The following IL1RAPL1 variants were observed in gnomAD, a reference collection of about 807,000 sequenced individuals.
The protein encoded by IL1RAPL1 is interleukin-1 receptor accessory protein-like 1.
IL1RAPL1 carries 3 observed loss-of-function variants against 48.4 expected under a neutral mutation model. That is an observed-to-expected ratio of 0.06 (90% CI 0.03 to 0.16). The LOEUF (loss-of-function observed/expected upper bound fraction) is 0.16, where lower values mean the gene tolerates loss of function less well. Among genes scored for constraint, IL1RAPL1 ranks in the 10% least tolerant of loss-of-function variants. The pLI is 1.00. For missense variants in IL1RAPL1, 349 were observed against 530.6 expected, an observed-to-expected ratio of 0.66 and a Z score of 3.36; for synonymous variants, 185 against 187.7, an observed-to-expected ratio of 0.99 and a Z score of 0.12.
chrX:28,892,286 AG>A (rs1301639144), intron 2 of IL1RAPL1, among the ~76,000 whole-genome samples: 4 of 88,027 alleles, frequency 4.5e-5, no homozygotes, highest in Admixed American at 2.7e-4. Flanking sequence ...TTACAGTCAA[AG>A]GGGGGTTGTT....
intron 2 of IL1RAPL1, among the ~76,000 whole-genome samples, chrX:28,871,350 C>G (rs1276791346): frequency 8.9e-6 from 1 of 112,009 alleles, no homozygotes; most frequent in Admixed American, 9.5e-5. Flanking sequence ...TATATTGTAT[C>G]TTTTACAGTT....
chrX:28,950,790 A>G (rs1441386482), intron 2 of IL1RAPL1, among the ~76,000 whole-genome samples: 5 of 107,133 alleles, frequency 4.7e-5, no homozygotes, highest in African/African-American at 1.7e-4. Flanking sequence ...CCAAAGGACT[A>G]TAAATCATGC....
chrX:29,149,262 A>G (rs2147497107), intron 2 of IL1RAPL1, among the ~76,000 whole-genome samples: 1 of 110,781 alleles, frequency 9.0e-6, no homozygotes, highest in South Asian at 3.8e-4. Flanking sequence ...TCTAGTCTGC[A>G]TTTGGACTTG....
Position 29,688,333 on chromosome X carries a change from A to G in IL1RAPL1, c.778+19829A>G, listed in dbSNP as rs146593493. Among the ~76,000 whole-genome samples, 864 of 110,117 alleles carry G rather than the reference A, an allele frequency of 7.8e-3. 6 individuals carry two copies. The highest frequency in any genetic ancestry group is 0.026 in the African/African-American group (799 of 30,231). On this transcript the variant is annotated intron_variant, in intron 6 of 10. Coordinates refer to ENST00000378993, the MANE Select transcript of IL1RAPL1 (RefSeq NM_014271.4). The stretch of plus-strand genomic sequence containing the variant: ...TTTGTCTTGCGGCCGCACCAGTCCA[A>G]CCTCTGCCTGTGATCAACATTGCCT...
chrX:29,258,788 A>T (rs772194691), intron 2 of IL1RAPL1, among the ~76,000 whole-genome samples: 2 of 111,049 alleles, frequency 1.8e-5, no homozygotes, highest in South Asian at 7.6e-4. Flanking sequence ...TTATTGGAAG[A>T]TATAACCTAA....
At chrX:29,824,939 A>C (rs1315222711) in intron 6 of IL1RAPL1, among the ~76,000 whole-genome samples, 5 of 60,515 alleles carry the variant, frequency 8.3e-5, no homozygotes, top group Non-Finnish European at 1.8e-4. Context: ...GGAGAAGGTG[A>C]AGATCTACAC....
At chrX:29,198,998 G>A (rs1222321287) in intron 2 of IL1RAPL1, among the ~76,000 whole-genome samples, 1 of 111,333 alleles carries the variant, frequency 9.0e-6, no homozygotes, top group African/African-American at 3.3e-5. Flanking sequence ...GGCTGCATTC[G>A]GGAAAAAAGC....
intron 5 of IL1RAPL1, among the ~76,000 whole-genome samples, chrX:29,562,172 A>G (rs1395060964): frequency 1.0e-5 from 1 of 99,425 alleles, no homozygotes; most frequent in Non-Finnish European, 2.0e-5. Flanking sequence ...CTATCTATCT[A>G]TCTATCTAGT....
chrX:29,652,222 TA>T (rs1925542838), intron 5 of IL1RAPL1, among the ~76,000 whole-genome samples: 1 of 112,037 alleles, frequency 8.9e-6, no homozygotes, highest in Non-Finnish European at 1.9e-5. Flanking sequence ...TCCAGGGAAA[TA>T]AAAGTTTAGA....
chrX:29,084,984 C>T (rs976161726), intron 2 of IL1RAPL1, among the ~76,000 whole-genome samples: 11 of 111,969 alleles, frequency 9.8e-5, no homozygotes, highest in African/African-American at 1.9e-4. Context: ...TGAGCCACTG[C>T]GCCCAGCCGC....
chrX:29,457,361 T>C (rs1241098050), intron 5 of IL1RAPL1, among the ~76,000 whole-genome samples: 1 of 110,878 alleles, frequency 9.0e-6, no homozygotes, highest in Non-Finnish European at 1.9e-5. Flanking sequence ...CTAAGTAGTC[T>C]GTAGTGCCTA....
intron 6 of IL1RAPL1, among the ~76,000 whole-genome samples, chrX:29,855,304 G>T (rs957335720): frequency 8.9e-6 from 1 of 112,282 alleles, no homozygotes. Context: ...ACATGTTTGT[G>T]TATGTGCATA....
intron 2 of IL1RAPL1, among the ~76,000 whole-genome samples, chrX:28,906,528 A>G (rs1923220147): frequency 9.0e-6 from 1 of 111,671 alleles, no homozygotes; most frequent in South Asian, 3.7e-4. Context: ...AGAAGGAAGT[A>G]AGTGGTTGGG....
chrX:28,838,278 A>G (rs890905272), intron 2 of IL1RAPL1, among the ~76,000 whole-genome samples: 6 of 111,286 alleles, frequency 5.4e-5, no homozygotes, highest in Admixed American at 9.6e-5. Flanking sequence ...AATGGAGTAT[A>G]TTCTTTTGAC....
chrX:29,109,333 A>G (rs1004442132), intron 2 of IL1RAPL1, among the ~76,000 whole-genome samples: 1 of 102,388 alleles, frequency 9.8e-6, no homozygotes. Flanking sequence ...AAACCCACCT[A>G]TAAAACATGA....
intron 5 of IL1RAPL1, among the ~76,000 whole-genome samples, chrX:29,556,834 A>G (rs1290925755): frequency 2.7e-5 from 3 of 111,579 alleles, no homozygotes; most frequent in African/African-American, 9.8e-5. Context: ...AATTCTTTAA[A>G]TTAGTGGTTC....
intron 2 of IL1RAPL1, among the ~76,000 whole-genome samples, chrX:29,227,467 A>G (rs1931104998): frequency 9.0e-6 from 1 of 111,701 alleles, no homozygotes; most frequent in South Asian, 3.7e-4. Context: ...GAGAGGTTCA[A>G]TCAGACTAAG....
intron 6 of IL1RAPL1, among the ~76,000 whole-genome samples, chrX:29,869,158 A>T (rs1931755168): frequency 8.9e-6 from 1 of 112,460 alleles, no homozygotes; most frequent in East Asian, 2.8e-4. Flanking sequence ...GTGACAAAAC[A>T]ATGTTAAGTC....
intron 1 of IL1RAPL1, among the ~76,000 whole-genome samples, chrX:28,625,248 A>T (rs1253211455): frequency 8.9e-6 from 1 of 111,760 alleles, no homozygotes; most frequent in Non-Finnish European, 1.9e-5. Flanking sequence ...CTGTTAGAAC[A>T]GTGAACTGAT....
Sources: allele counts gnomAD v4.1 joint callset (sites outside exome capture counted in the v4.1 genomes callset), GRCh38; gene constraint gnomAD v4.1.1; transcripts MANE v1.5; gene names NCBI Gene and HGNC (gene_info 2026-07-23, HGNC 2026-07-21).